SLIT2: variants seen among roughly 807,000 people sequenced by gnomAD.
SLIT2 encodes the protein slit homolog 2 protein.
A neutral mutation model predicts 185.7 loss-of-function variants in SLIT2; 41 were observed. The ratio of observed to expected loss-of-function variants is 0.22; its 90% CI spans 0.17 to 0.29. The LOEUF is 0.29. Ranked by LOEUF, SLIT2 falls within the 10% of genes least tolerant of loss-of-function variation. SLIT2 has a pLI of 1.00. For synonymous variants in SLIT2, 693 were observed against 680.2 expected (o/e 1.02, Z -0.29); for missense variants, 1,571 against 1,909.0 (o/e 0.82, Z 3.30).
intron 30 of SLIT2, 82 bp from the exon 31 acceptor site, chr4:20,595,615 T>C: frequency 1.3e-6 from 2 of 1,531,890 alleles, no homozygotes; most frequent in Middle Eastern, 1.7e-4. Context: ...TTAAAGATGG[T>C]GCCATTGTGT....
chr4:20,397,164 G>A (rs1279201377), intron 4 of SLIT2, among the ~76,000 whole-genome samples: 3 of 151,658 alleles, frequency 2.0e-5, no homozygotes, highest in Non-Finnish European at 4.4e-5. Context: ...AGCCCCCAGA[G>A]TATCACAAGT....
At chr4:20,424,369 A>G (rs1435345618) in intron 4 of SLIT2, among the ~76,000 whole-genome samples, 1 of 152,120 alleles carries the variant, frequency 6.6e-6, no homozygotes, top group East Asian at 1.9e-4. Flanking sequence ...TGTTTAAAGT[A>G]ATTTGAGAAA....
At chr4:20,404,481 G>C (rs554085183) in intron 4 of SLIT2, among the ~76,000 whole-genome samples, 1 of 152,110 alleles carries the variant, frequency 6.6e-6, no homozygotes, top group East Asian at 1.9e-4. Flanking sequence ...TTTGGATAAT[G>C]AGTGTTCCTA....
rs1421373155 is a variant in SLIT2, at chr4:20,252,655, C to T, written c.-1161C>T. On this transcript the variant is annotated 5_prime_UTR_variant, in exon 1 of 37. Transcript: ENST00000504154. ...TTCTACCTTTGCCATCAGGTGTCTG[C>T]CGCGGAGCTGCGGCTTATCTGGGAG... Among the ~76,000 whole-genome samples the T allele has an allele frequency of 6.6e-6, 1 of 152,246 alleles. No individual in the cohort carries two copies. The highest frequency in any genetic ancestry group is 1.5e-5 in the Non-Finnish European group (1 of 68,044).
intron 4 of SLIT2, among the ~76,000 whole-genome samples, chr4:20,427,967 T>C (rs1479078235): frequency 1.3e-5 from 2 of 152,168 alleles, no homozygotes; most frequent in South Asian, 2.1e-4. Context: ...CTGTGATCCA[T>C]ACTGTGCTAA....
chr4:20,472,279 T>TATATCG (rs1560452700), intron 5 of SLIT2, among the ~76,000 whole-genome samples: 625 of 22,486 alleles, frequency 0.028, 85 homozygotes, highest in African/African-American at 0.13. Context: ...TATATATCTA[T>TATATCG]ATATATAGAT....
In SLIT2 at chr4:20,410,798, C is replaced by G. The variant is rs142438194; in HGVS notation, c.396-56954C>G. 5.2e-3 allele frequency among the ~76,000 whole-genome samples: 787 copies of G among 152,174 alleles called. 10 individuals are homozygous for G. Among genetic ancestry groups the G allele is most frequent in the African/African-American group, 0.018 (735 of 41,512 alleles). On this transcript the variant is annotated intron_variant, in intron 4 of 36. Coordinates refer to ENST00000504154, the MANE Select transcript of SLIT2 (RefSeq NM_004787.4). The stretch of plus-strand genomic sequence containing the variant: ...TTGGAGTCTGTTCTTATACCAGTAT[C>G]ATGCTGTTTTGGTTACTATAGCCTT...
chr4:20,384,125 C>T (rs1724752090), intron 4 of SLIT2, among the ~76,000 whole-genome samples: 2 of 150,962 alleles, frequency 1.3e-5, no homozygotes, highest in Admixed American at 1.3e-4. Flanking sequence ...AGTCAAAAAC[C>T]AGAAAAGAAC....
intron 11 of SLIT2, among the ~76,000 whole-genome samples, chr4:20,513,307 C>G (rs986118111): frequency 6.6e-6 from 1 of 152,154 alleles, no homozygotes; most frequent in Non-Finnish European, 1.5e-5. Context: ...CTGCATAATA[C>G]TGTAAAACAG....
intron 25 of SLIT2, among the ~76,000 whole-genome samples, chr4:20,553,143 G>T (rs1022210640): frequency 2.6e-5 from 4 of 152,138 alleles, no homozygotes; most frequent in Non-Finnish European, 5.9e-5. Flanking sequence ...GACATCTTCA[G>T]TATTTTATGT....
intron 4 of SLIT2, among the ~76,000 whole-genome samples, chr4:20,365,460 G>T (rs1197195923): frequency 1.3e-5 from 2 of 152,260 alleles, no homozygotes; most frequent in East Asian, 1.9e-4. Context: ...TCTCTGCCAT[G>T]TTCCAGGCAA....
intron 4 of SLIT2, among the ~76,000 whole-genome samples, chr4:20,277,959 G>T (rs1249886233): frequency 6.6e-6 from 1 of 151,874 alleles, no homozygotes; most frequent in Non-Finnish European, 1.5e-5. Context: ...AAGATGTAAT[G>T]TGTACTGTCA....
At position 20,348,739 on chromosome 4, in the gene SLIT2, C is replaced by T. The variant is rs188555412; in HGVS notation, c.395+79858C>T. Reference sequence around the variant, plus strand: ...CTGTCATTAAGAGTTCGTTTGTCAACGTCTTGAGTCTTAAATATCCTGTGT... The same window carrying T: ...CTGTCATTAAGAGTTCGTTTGTCAATGTCTTGAGTCTTAAATATCCTGTGT... On this transcript the variant is annotated intron_variant, in intron 4 of 36. Coordinates refer to ENST00000504154, the MANE Select transcript of SLIT2 (RefSeq NM_004787.4). Among the ~76,000 whole-genome samples, 1,391 of 152,284 alleles carry T rather than the reference C, an allele frequency of 9.1e-3. 12 individuals carry two copies. The highest frequency in any genetic ancestry group is 0.015 in the Non-Finnish European group (1,019 of 68,022).
chr4:20,353,184 T>G (rs1722026314), intron 4 of SLIT2, among the ~76,000 whole-genome samples: 1 of 152,160 alleles, frequency 6.6e-6, no homozygotes, highest in Admixed American at 6.5e-5. Context: ...ATAGCAGATG[T>G]GGAATGACAT....
Position 20,469,715 on chromosome 4 carries a change from A to G in SLIT2, c.467+1892A>G, listed in dbSNP as rs935022547. On this transcript the variant is annotated intron_variant, in intron 5 of 36. Coordinates refer to ENST00000504154, the MANE Select transcript of SLIT2 (RefSeq NM_004787.4). ...GTTATTTTTTGGACTTGCAGATATG[A>G]GCAAATTAGTCAGCTTCATTAAGCC... Among the ~76,000 whole-genome samples, 10 of 148,244 alleles carry G rather than the reference A, an allele frequency of 6.7e-5. No homozygotes were observed. The East Asian group carries it at 7.9e-4, about 12-fold the overall frequency.
At chr4:20,593,048 A>G (rs1377215308) in intron 30 of SLIT2, among the ~76,000 whole-genome samples, 1 of 152,186 alleles carries the variant, frequency 6.6e-6, no homozygotes, top group East Asian at 1.9e-4. Context: ...GTAATGCCAC[A>G]TTCACTTGGG....
chr4:20,592,837 GATTTAGC>G (rs1727622365), intron 30 of SLIT2, among the ~76,000 whole-genome samples: 1 of 152,074 alleles, frequency 6.6e-6, no homozygotes, highest in Non-Finnish European at 1.5e-5. Context: ...GCTTTGCTAT[GATTTAGC>G]ATTAAAACCA....
chr4:20,299,506 A>C (rs1370756265), intron 4 of SLIT2, among the ~76,000 whole-genome samples: 1 of 152,192 alleles, frequency 6.6e-6, no homozygotes, highest in Non-Finnish European at 1.5e-5. Context: ...CAATAAATTG[A>C]AAATGAGTTC....
rs143361996 is a variant in SLIT2 at position 20,425,254 on chromosome 4, G to A, written c.396-42498G>A. Reference sequence around the variant, plus strand: ...AAAGTTTTATGCTTTGTCCTATTTTGTTGTATTTTTGCAGAGTTATTGTTA... The same window carrying A: ...AAAGTTTTATGCTTTGTCCTATTTTATTGTATTTTTGCAGAGTTATTGTTA... On this transcript the variant is annotated intron_variant, in intron 4 of 36. Coordinates refer to ENST00000504154, the MANE Select transcript of SLIT2 (RefSeq NM_004787.4). Among the ~76,000 whole-genome samples the A allele has an allele frequency of 5.4e-3, 825 of 151,818 alleles. 7 individuals carry two copies. The highest frequency in any genetic ancestry group is 0.019 in the African/African-American group (786 of 41,418).
Sources: gnomAD v4.1 joint callset for allele counts (sites outside exome capture counted in the v4.1 genomes callset) on GRCh38, gnomAD v4.1.1 for gene constraint, MANE v1.5 for transcripts, NCBI Gene and HGNC (gene_info 2026-07-23, HGNC 2026-07-21) for gene names.